ADCY1: variants seen among roughly 807,000 people sequenced by gnomAD.
ADCY1 encodes adenylate cyclase type 1.
ADCY1 carries 28 observed loss-of-function variants against 105.4 expected under a neutral mutation model. The observed-to-expected ratio is 0.27, with a 90% CI of 0.20 to 0.36. The LOEUF (loss-of-function observed/expected upper bound fraction) is 0.36, where lower values mean the gene tolerates loss of function less well. ADCY1 is among the 10% of genes least tolerant of loss of function. The probability of loss-of-function intolerance (pLI) is 1.00; values close to 1 mark genes in which losing one functional copy is unlikely to be tolerated. For synonymous variants in ADCY1, 655 were observed against 623.8 expected (o/e 1.05, Z -0.75); for missense variants, 977 against 1,434.2 (o/e 0.68, Z 5.15).
chr7:45,593,558 C>T (rs1792988169), intron 2 of ADCY1, among the ~76,000 whole-genome samples: 1 of 152,190 alleles, frequency 6.6e-6, no homozygotes, highest in South Asian at 2.1e-4. Flanking sequence ...GGCCTGTGCC[C>T]AGCATGTGGG....
chr7:45,611,758 T>A (rs1793599545), intron 3 of ADCY1, among the ~76,000 whole-genome samples: 1 of 152,154 alleles, frequency 6.6e-6, no homozygotes, highest in Non-Finnish European at 1.5e-5. Flanking sequence ...GTTGCCTATT[T>A]GGGATTAATG....
intron 8 of ADCY1, chr7:45,664,408 G>A (rs2116138502): frequency 1.3e-6 from 2 of 1,535,948 alleles, no homozygotes; most frequent in East Asian, 2.4e-5. Context: ...ACTGTCACCA[G>A]TGCTGCAAGG....
At position 45,679,704 on chromosome 7, in the gene ADCY1, C is replaced by T; in HGVS notation, c.1899-5C>T. Reference sequence around the variant, plus strand: ...TCAGTGACTCTCATGTTTTCTGTCCCCCAGGAGTGTGGTCGTCCTGCTCCT... The same window carrying T: ...TCAGTGACTCTCATGTTTTCTGTCCTCCAGGAGTGTGGTCGTCCTGCTCCT... On this transcript the variant is annotated splice_region_variant and splice_polypyrimidine_tract_variant and intron_variant, in intron 10 of 19. Transcript: ENST00000297323. 6.2e-7 allele frequency: 1 copy of T among 1,614,158 alleles called. No individual in the cohort carries two copies. Among genetic ancestry groups the T allele is most frequent in the Non-Finnish European group, 8.5e-7 (1 of 1,179,990 alleles).
At chr7:45,635,396 T>C (rs1794373701) in intron 4 of ADCY1, among the ~76,000 whole-genome samples, 1 of 151,742 alleles carries the variant, frequency 6.6e-6, no homozygotes, top group African/African-American at 2.4e-5. Context: ...GTTTTTCTTC[T>C]GGTTATTTTG....
chr7:45,711,611 A>C (rs1055840201), intron 19 of ADCY1, among the ~76,000 whole-genome samples: 139 of 11,952 alleles, frequency 0.012, no homozygotes, highest in African/African-American at 0.029. Context: ...CGTGCTGTAT[A>C]TATATATATA....
chr7:45,588,799 G>C (rs1031834428), intron 1 of ADCY1, among the ~76,000 whole-genome samples: 25 of 152,088 alleles, frequency 1.6e-4, no homozygotes, highest in African/African-American at 6.0e-4. Context: ...TCCAGGTGCT[G>C]GCTCTTTGGC....
In ADCY1 at chr7:45,710,671, C is replaced by G; in HGVS notation, c.3057+19C>G. On this transcript the variant is annotated intron_variant, in intron 19 of 19. Coordinates refer to ENST00000297323, the MANE Select transcript of ADCY1 (RefSeq NM_021116.4). This position sits in a 1 kb window ranked among gnomAD's most constrained non-coding sequence, Gnocchi z 4.7. ...AATCCAGGTCAGTTCACCAAGAAAC[C>G]CCTAAGGCATGGGTGCCCATTCTTC... 1 of 1,603,268 alleles carries G rather than the reference C, an allele frequency of 6.2e-7. No homozygotes were observed.
intron 4 of ADCY1, among the ~76,000 whole-genome samples, chr7:45,629,037 A>T (rs573291714): frequency 6.6e-6 from 1 of 152,328 alleles, no homozygotes; most frequent in African/African-American, 2.4e-5. Flanking sequence ...CCATCACCAC[A>T]GTCAAGATGC....
intron 4 of ADCY1, among the ~76,000 whole-genome samples, chr7:45,635,602 T>G (rs1176818707): frequency 1.3e-4 from 13 of 100,582 alleles, no homozygotes; most frequent in African/African-American, 3.5e-4. Flanking sequence ...ATTTCTCTTG[T>G]TTTTTTTTTT....
chr7:45,575,198 C>G lies in ADCY1; in HGVS notation c.639+16C>G, dbSNP rs1239182841. 9 of 1,567,964 alleles carry G rather than the reference C, an allele frequency of 5.7e-6. No homozygotes were observed. The highest frequency in any genetic ancestry group is 7.8e-6 in the Non-Finnish European group (9 of 1,158,434). ...CTGGAGGACGGTAAGTGCAGCCGCG[C>G]ACCCCTCATCTGGTCTCGGACACAC... On this transcript the variant is annotated intron_variant, in intron 1 of 19. Coordinates refer to ENST00000297323, the MANE Select transcript of ADCY1 (RefSeq NM_021116.4). The surrounding 1 kb of genome is among the most constrained non-coding windows in gnomAD (Gnocchi z 4.7).
chr7:45,585,179 G>A (rs1391411520), intron 1 of ADCY1, among the ~76,000 whole-genome samples: 1 of 152,206 alleles, frequency 6.6e-6, no homozygotes, highest in African/African-American at 2.4e-5. Flanking sequence ...CCTCAAAAAG[G>A]GATCTTAAAT....
intron 14 of ADCY1, among the ~76,000 whole-genome samples, chr7:45,694,915 A>G (rs1784851510): frequency 6.6e-6 from 1 of 152,236 alleles, no homozygotes; most frequent in East Asian, 1.9e-4. Context: ...AACCTGTGCT[A>G]ATCCCTAGAT....
intron 4 of ADCY1, among the ~76,000 whole-genome samples, chr7:45,638,664 G>A (rs536417968): frequency 1.3e-5 from 2 of 152,230 alleles, no homozygotes; most frequent in East Asian, 3.9e-4. Context: ...GGACATGCAG[G>A]TGGCCCCTGT....
At position 45,710,411 on chromosome 7, in the gene ADCY1, C is replaced by A; in HGVS notation, c.2933-117C>A. Reference sequence around the variant, plus strand: ...TGCTAGGTGACCCCAGGAAACAAAGCCCTGAAAGGAGCAGCCTTTTCTCCA... The same window carrying A: ...TGCTAGGTGACCCCAGGAAACAAAGACCTGAAAGGAGCAGCCTTTTCTCCA... On this transcript the variant is annotated intron_variant, in intron 18 of 19. Coordinates refer to ENST00000297323, the MANE Select transcript of ADCY1 (RefSeq NM_021116.4). The surrounding 1 kb of genome is among the most constrained non-coding windows in gnomAD (Gnocchi z 4.7). The A allele has an allele frequency of 1.4e-6, 2 of 1,447,438 alleles. No individual in the cohort carries two copies. Among genetic ancestry groups the A allele is most frequent in the South Asian group, 1.3e-5 (1 of 75,112 alleles). 89.7% of individuals were successfully genotyped at this position (1,447,438 alleles called of 1,614,324 possible).
intron 2 of ADCY1, among the ~76,000 whole-genome samples, chr7:45,597,644 G>C (rs1584258026): frequency 6.6e-6 from 1 of 152,214 alleles, no homozygotes; most frequent in Admixed American, 6.5e-5. Flanking sequence ...GAATCTTTGA[G>C]GCTTTAAGGG....
intron 8 of ADCY1, 21 bp from the exon 9 acceptor site, chr7:45,677,848 T>C (rs933914050): frequency 1.2e-6 from 2 of 1,608,372 alleles, no homozygotes; most frequent in South Asian, 1.1e-5. Context: ...TGATACTCCT[T>C]TATTTCCATG....
intron 2 of ADCY1, among the ~76,000 whole-genome samples, chr7:45,602,125 A>G (rs1028385964): frequency 5.3e-5 from 8 of 151,904 alleles, no homozygotes; most frequent in Admixed American, 1.3e-4. Flanking sequence ...CAGGCAGCAA[A>G]TTGAGGTGGA....
At chr7:45,622,998 A>T (rs1040126352) in intron 4 of ADCY1, among the ~76,000 whole-genome samples, 2 of 152,346 alleles carry the variant, frequency 1.3e-5, no homozygotes, top group East Asian at 3.9e-4. Flanking sequence ...CGGGGCTTCC[A>T]TGCAGAAGGC....
intron 17 of ADCY1, among the ~76,000 whole-genome samples, chr7:45,707,411 A>G (rs1212167180): frequency 6.6e-6 from 1 of 152,246 alleles, no homozygotes; most frequent in East Asian, 1.9e-4. Context: ...ACAATTGGCT[A>G]CATAAACCAG....
Sources: gnomAD v4.1 joint callset for allele counts (sites outside exome capture counted in the v4.1 genomes callset) on GRCh38, gnomAD v4.1.1 for gene constraint, Gnocchi (gnomAD v3.1) non-coding constraint, MANE v1.5 for transcripts, NCBI Gene and HGNC (gene_info 2026-07-23, HGNC 2026-07-21) for gene names.